The following FARP2 variants were observed in gnomAD, a reference collection of about 807,000 sequenced individuals.
The protein encoded by FARP2 is FERM, ARH/RhoGEF and pleckstrin domain protein 2.
FARP2 carries 111 observed loss-of-function variants against 130.5 expected under a neutral mutation model. The ratio of observed to expected loss-of-function variants is 0.85; its 90% CI spans 0.73 to 1.00. The LOEUF (loss-of-function observed/expected upper bound fraction) is 1.00, where lower values mean the gene tolerates loss of function less well. FARP2 is among the 50% of genes least tolerant of loss of function. The pLI, the probability that FARP2 is intolerant of heterozygous loss-of-function variation, is 0.00. For missense variants in FARP2, 1,385 were observed against 1,346.3 expected (o/e 1.03, Z -0.45); for synonymous variants, 504 against 516.9 (o/e 0.98, Z 0.34).
rs146700916 is a variant in FARP2, at chr2:241,475,271, G to T, written c.2132-586G>T. Among the ~76,000 whole-genome samples the T allele has an allele frequency of 6.6e-5, 10 of 152,324 alleles. No individual in the cohort carries two copies. Among genetic ancestry groups the T allele is most frequent in the African/African-American group, 2.4e-4 (10 of 41,576 alleles). ...GTTGAACAACCTGAAGGCCTCAGGG[G>T]TATCTGCAGGAGCAGGCGCCTGGTG... is the stretch of plus-strand genomic sequence containing the variant. On this transcript the variant is annotated intron_variant, in intron 18 of 26. Coordinates refer to ENST00000264042, the MANE Select transcript of FARP2 (RefSeq NM_014808.4). The surrounding 1 kb of genome is among the most constrained non-coding windows in gnomAD (Gnocchi z 4.4).
At chr2:241,491,708 C>T in intron 24 of FARP2, 29 bp downstream of exon 24, 1 of 1,562,096 alleles carries the variant, frequency 6.4e-7, no homozygotes, top group East Asian at 2.3e-5. Context: ...CACCTCAGTG[C>T]ATCTGGAATG....
chr2:241,365,484 G>A (rs1266044874), intron 1 of FARP2, among the ~76,000 whole-genome samples: 1 of 152,112 alleles, frequency 6.6e-6, no homozygotes, highest in Admixed American at 6.6e-5. Flanking sequence ...TCTCTGATCT[G>A]TAAATATTTG....
chr2:241,396,765 A>G (rs1458487860), intron 2 of FARP2, among the ~76,000 whole-genome samples: 1 of 152,190 alleles, frequency 6.6e-6, no homozygotes, highest in African/African-American at 2.4e-5. Flanking sequence ...CCATTGTGGA[A>G]GTCAGTGTGG....
intron 7 of FARP2, among the ~76,000 whole-genome samples, chr2:241,417,254 C>T (rs1436700746): frequency 6.6e-6 from 1 of 150,568 alleles, no homozygotes; most frequent in Non-Finnish European, 1.5e-5. Flanking sequence ...GCCAAGATTG[C>T]ACCATTTCAC....
chr2:241,476,457 G>A (rs62190411), intron 19 of FARP2, among the ~76,000 whole-genome samples: 32,549 of 152,040 alleles, frequency 0.21, 4,123 homozygotes, highest in East Asian at 0.57. Context: ...GGAGGCCAAG[G>A]CAGACAGATC....
chr2:241,426,202 C>T (rs1416559003), intron 8 of FARP2, among the ~76,000 whole-genome samples: 1 of 152,048 alleles, frequency 6.6e-6, no homozygotes, highest in Non-Finnish European at 1.5e-5. Flanking sequence ...GGGCAGGGCC[C>T]CGGGAGAGAG....
intron 21 of FARP2, among the ~76,000 whole-genome samples, chr2:241,486,321 C>T (rs1486421242): frequency 2.4e-5 from 3 of 125,510 alleles, no homozygotes; most frequent in Non-Finnish European, 4.8e-5. Flanking sequence ...ATTAGCTGAG[C>T]AAAAGTGGTG....
At chr2:241,469,575 T>A (rs1193415366) in intron 18 of FARP2, among the ~76,000 whole-genome samples, 1 of 152,234 alleles carries the variant, frequency 6.6e-6, no homozygotes, top group Non-Finnish European at 1.5e-5. Context: ...GTTTCATGTT[T>A]GTTAAAAAGG....
intron 2 of FARP2, among the ~76,000 whole-genome samples, chr2:241,376,798 G>A (rs1044355154): frequency 2.0e-5 from 3 of 152,196 alleles, no homozygotes; most frequent in Admixed American, 1.3e-4. Context: ...GGTGCACTGA[G>A]CAGTGAGACC....
At chr2:241,371,223 C>T (rs1262608695) in intron 1 of FARP2, among the ~76,000 whole-genome samples, 1 of 152,138 alleles carries the variant, frequency 6.6e-6, no homozygotes, top group Non-Finnish European at 1.5e-5. Context: ...GGTGGCTCGC[C>T]TGTAATCCCA....
At chr2:241,397,799 A>G (rs2062066302) in intron 2 of FARP2, among the ~76,000 whole-genome samples, 1 of 151,240 alleles carries the variant, frequency 6.6e-6, no homozygotes, top group Non-Finnish European at 1.5e-5. Flanking sequence ...ATCAATTTTC[A>G]TGAACTCCAA....
chr2:241,449,140 CCA>C (rs1428311823), intron 13 of FARP2, among the ~76,000 whole-genome samples: 1 of 152,164 alleles, frequency 6.6e-6, no homozygotes. Context: ...TTGGATAGTT[CCA>C]CATTTTCCTT....
At chr2:241,374,839 T>TG (rs1450058897) in intron 2 of FARP2, among the ~76,000 whole-genome samples, 1 of 152,240 alleles carries the variant, frequency 6.6e-6, no homozygotes, top group Non-Finnish European at 1.5e-5. Flanking sequence ...GGTCTGAAGC[T>TG]GGGCAACCTT....
chr2:241,487,746 CTTTT>C (rs1167750549), intron 21 of FARP2, among the ~76,000 whole-genome samples: 154 of 73,214 alleles, frequency 2.1e-3, no homozygotes, highest in African/African-American at 7.9e-3. Flanking sequence ...CTAGCCTACT[CTTTT>C]TTTTTTTTTT....
At chr2:241,484,416 TAC>T in intron 21 of FARP2, 85 bp downstream of exon 21, 1 of 1,096,560 alleles carries the variant, frequency 9.1e-7, no homozygotes, top group South Asian at 1.3e-5. Context: ...GGCGAATCCT[TAC>T]CCAGCAACAC....
chr2:241,462,583 T>G lies in FARP2; in HGVS notation c.1648T>G (p.Tyr550Asp). ...AGAGATTCTCGCTACAGAACGAACATACCTCAAGGATTTAGAAGTTATTAC... is the reference window on the plus strand; with the variant it reads ...AGAGATTCTCGCTACAGAACGAACAGACCTCAAGGATTTAGAAGTTATTAC... ...VKEILATERT[Y>D]LKDLEVITVW... Residue 550 changes from tyrosine to aspartate, a missense_variant, in exon 15 of 27, where the codon TAC becomes GAC. Tyr to Asp is a radical substitution (Grantham distance 160). Transcript: ENST00000264042. 2 of 1,613,366 alleles carry G rather than the reference T, an allele frequency of 1.2e-6. No homozygotes were observed. Among genetic ancestry groups the G allele is most frequent in the East Asian group, 2.2e-5 (1 of 44,892 alleles).
rs2061461766 is a variant in FARP2 at position 241,373,204 on chromosome 2, C to G, written c.97C>G (p.Gln33Glu). The G allele has an allele frequency of 6.3e-7, 1 of 1,581,738 alleles. No individual in the cohort carries two copies. The change falls in exon 2 of 27, where the codon CAG becomes GAG. Residue 33 changes from glutamine (Q) to glutamate (E), a missense_variant. Coordinates refer to ENST00000264042, the MANE Select transcript of FARP2 (RefSeq NM_014808.4). ...GGGAGTTAGCACCCTTGAGCCTGGG[C>G]AGACTCTCTTGCCCAGAATGCAAGA... ...PVGVSTLEPG[Q>E]TLLPRMQEKH...
intron 8 of FARP2, among the ~76,000 whole-genome samples, chr2:241,426,080 G>C (rs1253745460): frequency 6.6e-6 from 1 of 152,092 alleles, no homozygotes; most frequent in Non-Finnish European, 1.5e-5. Context: ...AACTAGAGGA[G>C]AGAATGAACT....
intron 14 of FARP2, among the ~76,000 whole-genome samples, chr2:241,457,852 T>C (rs1250625369): frequency 6.6e-6 from 1 of 152,050 alleles, no homozygotes; most frequent in Non-Finnish European, 1.5e-5. Context: ...TTGGAGACAG[T>C]GGAGGAGCCA....
Sources: gnomAD v4.1 joint callset for allele counts (sites outside exome capture counted in the v4.1 genomes callset) on GRCh38, gnomAD v4.1.1 for gene constraint, Gnocchi (gnomAD v3.1) non-coding constraint, MANE v1.5 for transcripts, NCBI Gene and HGNC (gene_info 2026-07-23, HGNC 2026-07-21) for gene names.